Variants in ADK observed in about 807,000 individuals in gnomAD.
ADK encodes the protein adenosine kinase.
Under a neutral mutation model 44.7 loss-of-function variants are expected in ADK, and 24 were observed. That is an observed-to-expected ratio of 0.54 (90% CI 0.39 to 0.76). The LOEUF is 0.76. Among genes scored for constraint, ADK ranks in the 30% least tolerant of loss-of-function variants. ADK has a pLI of 0.00. For missense variants in ADK, 321 were observed against 425.1 expected, an observed-to-expected ratio of 0.76 and a Z score of 2.15; for synonymous variants, 128 against 142.6, an observed-to-expected ratio of 0.90 and a Z score of 0.73.
chr10:74,338,858 T>C (rs2131867880), intron 4 of ADK, among the ~76,000 whole-genome samples: 1 of 152,280 alleles, frequency 6.6e-6, no homozygotes, highest in East Asian at 1.9e-4. Context: ...ATTGTGCTGG[T>C]GAGTACATGA....
chr10:74,155,248 C>G (rs949652767), intron 1 of ADK, among the ~76,000 whole-genome samples: 1 of 152,018 alleles, frequency 6.6e-6, no homozygotes, highest in African/African-American at 2.4e-5. Flanking sequence ...TTTGGGAGGC[C>G]AAGGTGGGAG....
chr10:74,351,124 A>G (rs1456413049), intron 4 of ADK, among the ~76,000 whole-genome samples: 1 of 152,196 alleles, frequency 6.6e-6, no homozygotes, highest in African/African-American at 2.4e-5. Context: ...AGACACAACA[A>G]AAAAAGAAAA....
At chr10:74,270,420 G>T (rs531293828) in intron 3 of ADK, among the ~76,000 whole-genome samples, 1 of 152,280 alleles carries the variant, frequency 6.6e-6, no homozygotes, top group East Asian at 1.9e-4. Flanking sequence ...TGACTTAGTA[G>T]AAGACAGCTG....
chr10:74,357,237 T>A (rs1254581128), intron 4 of ADK, among the ~76,000 whole-genome samples: 1 of 152,172 alleles, frequency 6.6e-6, no homozygotes, highest in Non-Finnish European at 1.5e-5. Flanking sequence ...TGTGTGTGCA[T>A]ATGTGTATGC....
At chr10:74,446,471 A>G (rs1871083) in intron 6 of ADK, among the ~76,000 whole-genome samples, 54 of 152,286 alleles carry the variant, frequency 3.5e-4, no homozygotes, top group African/African-American at 1.2e-3. Context: ...GACGATAGGA[A>G]AGAAGATAGG....
chr10:74,550,164 G>A (rs550253544), intron 7 of ADK, among the ~76,000 whole-genome samples: 1 of 150,788 alleles, frequency 6.6e-6, no homozygotes, highest in Admixed American at 6.6e-5. Flanking sequence ...TCTGCCTCCC[G>A]GGTTCAAGTG....
At chr10:74,506,264 G>T in intron 6 of ADK, 1 of 190,402 alleles carries the variant, frequency 5.3e-6, no homozygotes, top group South Asian at 1.1e-4. Flanking sequence ...CAACCACAAT[G>T]GTCCTTACAC....
At chr10:74,452,994 A>T (rs1323236103) in intron 6 of ADK, among the ~76,000 whole-genome samples, 3 of 152,050 alleles carry the variant, frequency 2.0e-5, no homozygotes. Flanking sequence ...AAATGTACTA[A>T]TTTTTAAATT....
intron 3 of ADK, among the ~76,000 whole-genome samples, chr10:74,285,489 G>A (rs1443156992): frequency 6.6e-6 from 1 of 152,154 alleles, no homozygotes; most frequent in Non-Finnish European, 1.5e-5. Flanking sequence ...TAGATATAAA[G>A]ACATTAAACT....
Position 74,709,166 on chromosome 10 carries a change from T to C in ADK, c.*721T>C, listed in dbSNP as rs1856704435. The C allele has an allele frequency of 6.6e-6, 1 of 152,270 alleles. No individual in the cohort carries two copies. The highest frequency in any genetic ancestry group is 2.4e-5 in the African/African-American group (1 of 41,456). 9.4% of individuals were successfully genotyped at this position (152,270 alleles called of 1,614,324 possible). ...TGTACAGCAAACTGAGGAAGAAAGATCATTATTTAATACTGGGCCCTGAAA... is the reference window on the plus strand; with the variant it reads ...TGTACAGCAAACTGAGGAAGAAAGACCATTATTTAATACTGGGCCCTGAAA... On this transcript the variant is annotated 3_prime_UTR_variant, in exon 11 of 11. Coordinates refer to ENST00000539909, the MANE Select transcript of ADK (RefSeq NM_006721.4).
intron 3 of ADK, among the ~76,000 whole-genome samples, chr10:74,270,894 A>T (rs1041328864): frequency 2.6e-5 from 4 of 152,208 alleles, no homozygotes; most frequent in Non-Finnish European, 5.9e-5. Context: ...AGCAATTTGG[A>T]TTCCATAGCT....
At chr10:74,305,749 C>G (rs546770562) in intron 3 of ADK, among the ~76,000 whole-genome samples, 3 of 151,792 alleles carry the variant, frequency 2.0e-5, no homozygotes, top group African/African-American at 7.3e-5. Context: ...TTTTTAGAAG[C>G]AGGTTCTTGC....
At chr10:74,663,245 AATAAT>A (rs1448024446) in intron 9 of ADK, among the ~76,000 whole-genome samples, 11 of 129,258 alleles carry the variant, frequency 8.5e-5, no homozygotes, top group African/African-American at 3.3e-4. Context: ...AAAAAAAAAA[AATAAT>A]ATATATATAT....
At chr10:74,559,036 T>C (rs1027445279) in intron 7 of ADK, among the ~76,000 whole-genome samples, 4 of 152,220 alleles carry the variant, frequency 2.6e-5, no homozygotes, top group African/African-American at 9.6e-5. Flanking sequence ...CTGAACCCAA[T>C]AGGATGTCAC....
At chr10:74,662,243 C>G (rs1854762695) in intron 9 of ADK, among the ~76,000 whole-genome samples, 1 of 152,164 alleles carries the variant, frequency 6.6e-6, no homozygotes, top group Admixed American at 6.5e-5. Flanking sequence ...CCCTCAACCC[C>G]TGCCATTCCA....
intron 2 of ADK, among the ~76,000 whole-genome samples, chr10:74,210,507 G>A (rs977597521): frequency 1.8e-4 from 28 of 151,994 alleles, no homozygotes; most frequent in African/African-American, 6.3e-4. Context: ...AATGCCCGAA[G>A]TAGCTGGCTG....
chr10:74,606,786 CGTT>C (rs899565677), intron 9 of ADK, among the ~76,000 whole-genome samples: 2 of 151,992 alleles, frequency 1.3e-5, no homozygotes, highest in Admixed American at 1.3e-4. Flanking sequence ...TCCTGAATAT[CGTT>C]GTTAATTTTT....
intron 10 of ADK, among the ~76,000 whole-genome samples, chr10:74,679,652 A>G (rs1855526550): frequency 6.6e-6 from 1 of 151,928 alleles, no homozygotes; most frequent in African/African-American, 2.4e-5. Flanking sequence ...TATCTGGCCC[A>G]CTTCTTCATA....
chr10:74,575,741 C>T (rs1031914709), intron 7 of ADK, among the ~76,000 whole-genome samples: 1 of 152,048 alleles, frequency 6.6e-6, no homozygotes, highest in Non-Finnish European at 1.5e-5. Flanking sequence ...TATCAGGAAG[C>T]AGTAGTTAGT....
Sources: allele counts gnomAD v4.1 joint callset (sites outside exome capture counted in the v4.1 genomes callset), GRCh38; gene constraint gnomAD v4.1.1; transcripts MANE v1.5; gene names NCBI Gene and HGNC (gene_info 2026-07-23, HGNC 2026-07-21).